The following SNX27 variants were observed in gnomAD, a reference collection of about 807,000 sequenced individuals.
SNX27 encodes sorting nexin-27.
Under a neutral mutation model 71.6 loss-of-function variants are expected in SNX27, and 22 were observed. The ratio of observed to expected loss-of-function variants is 0.31; its 90% CI spans 0.22 to 0.44. The LOEUF (loss-of-function observed/expected upper bound fraction) is 0.44. Ranked by LOEUF, SNX27 falls within the 20% of genes least tolerant of loss-of-function variation. The probability of loss-of-function intolerance (pLI) is 1.00; values close to 1 mark genes in which losing one functional copy is unlikely to be tolerated. For synonymous variants in SNX27, 269 were observed against 277.2 expected, an observed-to-expected ratio of 0.97 and a Z score of 0.29; for missense variants, 531 against 698.6, an observed-to-expected ratio of 0.76 and a Z score of 2.70.
At chr1:151,626,077 C>T (rs767012635) in intron 1 of SNX27, among the ~76,000 whole-genome samples, 1 of 151,756 alleles carries the variant, frequency 6.6e-6, no homozygotes, top group African/African-American at 2.4e-5. Flanking sequence ...TGCAGTGAGC[C>T]GAGATGGCGC....
intron 1 of SNX27, among the ~76,000 whole-genome samples, chr1:151,624,677 C>T (rs1667841551): frequency 6.6e-6 from 1 of 151,504 alleles, no homozygotes; most frequent in South Asian, 2.1e-4. Context: ...GGTGATACAC[C>T]TACCTCGGCC....
chr1:151,680,780 T>TC (rs1274302987), intron 7 of SNX27, among the ~76,000 whole-genome samples: 4 of 152,236 alleles, frequency 2.6e-5, no homozygotes, highest in African/African-American at 4.8e-5. Context: ...TTTATTTATT[T>TC]CCCCCCTCTA....
chr1:151,692,818 T>G, intron 9 of SNX27, 93 bp from the exon 10 acceptor site: 1 of 1,541,206 alleles, frequency 6.5e-7, no homozygotes, highest in Non-Finnish European at 8.9e-7. Context: ...TCCATTCATT[T>G]CTCTTCTGTC....
chr1:151,654,599 G>A (rs1669588911), intron 2 of SNX27, among the ~76,000 whole-genome samples: 1 of 152,108 alleles, frequency 6.6e-6, no homozygotes, highest in Non-Finnish European at 1.5e-5. Flanking sequence ...TGTTTTCACT[G>A]CTTTAATAGA....
At chr1:151,638,429 T>C (rs1003159481) in intron 1 of SNX27, among the ~76,000 whole-genome samples, 5 of 152,218 alleles carry the variant, frequency 3.3e-5, no homozygotes, top group Non-Finnish European at 5.9e-5. Flanking sequence ...ATTTACAAAT[T>C]AAGAGAATTT....
At chr1:151,694,249 G>A in intron 11 of SNX27, 121 bp from the exon 12 acceptor site, 1 of 1,481,770 alleles carries the variant, frequency 6.7e-7, no homozygotes, top group Non-Finnish European at 8.9e-7. Context: ...GTTATATCAA[G>A]AAAGATGTGG....
chr1:151,637,926 A>G (rs1668542332), intron 1 of SNX27, among the ~76,000 whole-genome samples: 2 of 152,166 alleles, frequency 1.3e-5, no homozygotes, highest in Admixed American at 1.3e-4. Flanking sequence ...TGTATTTCCT[A>G]CCTCTCTTGG....
rs1311862409 is a variant in SNX27, at chr1:151,698,421, C to G, written c.*4004C>G. 2.0e-5 allele frequency: 3 copies of G among 152,668 alleles called. No individual in the cohort carries two copies. Among genetic ancestry groups the G allele is most frequent in the Non-Finnish European group, 4.4e-5 (3 of 68,050 alleles). The allele number at this position is 152,668 out of a possible 1,614,324, so 9.5% of individuals were successfully genotyped here. A position where few individuals can be genotyped will look rare whatever the true frequency, so the allele number is the denominator to read the frequency against. Reference sequence around the variant, plus strand: ...CGCCATCATACTGTTTGGCTAGATTCATTCAGCAGTAGAAGCTGTTTGATC... The same window carrying G: ...CGCCATCATACTGTTTGGCTAGATTGATTCAGCAGTAGAAGCTGTTTGATC... On this transcript the variant is annotated 3_prime_UTR_variant, in exon 12 of 12. Transcript: ENST00000458013.
At position 151,694,608 on chromosome 1, in the gene SNX27, A is replaced by G; in HGVS notation, c.*191A>G. 3.7e-6 allele frequency: 2 copies of G among 545,396 alleles called. No homozygotes were observed. Among genetic ancestry groups the G allele is most frequent in the Non-Finnish European group, 6.1e-6 (2 of 328,656 alleles). 33.8% of individuals were successfully genotyped at this position (545,396 alleles called of 1,614,324 possible). Reference sequence around the variant, plus strand: ...CTCTGGAATTGAGGTGGTAGTGAACAGCAGATCGGTCAGCACCAGAAGTCA... The same window carrying G: ...CTCTGGAATTGAGGTGGTAGTGAACGGCAGATCGGTCAGCACCAGAAGTCA... On this transcript the variant is annotated 3_prime_UTR_variant, in exon 12 of 12. Coordinates refer to ENST00000458013, the MANE Select transcript of SNX27 (RefSeq NM_001330723.2).
intron 2 of SNX27, among the ~76,000 whole-genome samples, chr1:151,641,598 G>GATAT (rs56886589): frequency 0.12 from 9,597 of 78,546 alleles, 816 homozygotes; most frequent in Non-Finnish European, 0.15. Flanking sequence ...TCCTTTATCA[G>GATAT]ATATATATAT....
chr1:151,666,033 T>A, intron 6 of SNX27, 22 bp downstream of exon 6: 1 of 1,586,990 alleles, frequency 6.3e-7, no homozygotes, highest in East Asian at 2.2e-5. Flanking sequence ...TGGCTGATAC[T>A]AAGTTTTGTT....
At chr1:151,648,937 TG>T (rs1669197117) in intron 2 of SNX27, among the ~76,000 whole-genome samples, 1 of 152,032 alleles carries the variant, frequency 6.6e-6, no homozygotes, top group African/African-American at 2.4e-5. Flanking sequence ...CTTGGTGGAT[TG>T]TTTTTTTCTT....
chr1:151,694,318 C>T, intron 11 of SNX27, 52 bp from the exon 12 acceptor site: 1 of 1,546,442 alleles, frequency 6.5e-7, no homozygotes, highest in Non-Finnish European at 8.7e-7. Flanking sequence ...GAGTTGTCTC[C>T]AGATAAGAGG....
intron 11 of SNX27, chr1:151,694,016 A>G: frequency 8.2e-7 from 1 of 1,213,736 alleles, no homozygotes; most frequent in Non-Finnish European, 1.0e-6. Flanking sequence ...CAGGAGGTCA[A>G]GTCAAGAACA....
chr1:151,671,594 A>T (rs532028223), intron 7 of SNX27, among the ~76,000 whole-genome samples: 9 of 151,852 alleles, frequency 5.9e-5, no homozygotes, highest in Admixed American at 2.0e-4. Context: ...GTGGTTCCAT[A>T]TAAATTTTAG....
chr1:151,624,744 T>C lies in SNX27; in HGVS notation c.311+12232T>C, dbSNP rs550258028. Among the ~76,000 whole-genome samples the C allele has an allele frequency of 3.3e-5, 5 of 152,254 alleles. No individual in the cohort carries two copies. The East Asian group carries it at 9.6e-4, about 29-fold the overall frequency. ...ACCACGCCCGGCCAGCTTGATTATA[T>C]TTTTATATTTATTTTTTAAATATCT... On this transcript the variant is annotated intron_variant, in intron 1 of 11. Transcript: ENST00000458013.
chr1:151,656,441 A>G (rs982049543), intron 2 of SNX27, among the ~76,000 whole-genome samples: 1 of 152,218 alleles, frequency 6.6e-6, no homozygotes, highest in African/African-American at 2.4e-5. Context: ...GATATTAAAC[A>G]TCATTAGTAA....
chr1:151,656,870 G>C (rs1208262973), intron 2 of SNX27, among the ~76,000 whole-genome samples: 1 of 151,974 alleles, frequency 6.6e-6, no homozygotes, highest in Admixed American at 6.6e-5. Flanking sequence ...GTCCTTTGAA[G>C]TATCATTCAT....
At chr1:151,657,432 AGT>A (rs1300298874) in intron 2 of SNX27, among the ~76,000 whole-genome samples, 3 of 152,184 alleles carry the variant, frequency 2.0e-5, no homozygotes, top group Non-Finnish European at 2.9e-5. Flanking sequence ...AGCCTCACAA[AGT>A]GTGCTGGAAT....
Sources: gnomAD v4.1 joint callset for allele counts (sites outside exome capture counted in the v4.1 genomes callset) on GRCh38, gnomAD v4.1.1 for gene constraint, MANE v1.5 for transcripts, NCBI Gene and HGNC (gene_info 2026-07-23, HGNC 2026-07-21) for gene names.